KLF12: variants seen among roughly 807,000 people sequenced by gnomAD.
KLF12 encodes KLF transcription factor 12.
A neutral mutation model predicts 37.8 loss-of-function variants in KLF12; 9 were observed. The observed-to-expected ratio is 0.24, with a 90% CI of 0.14 to 0.42. KLF12 has a LOEUF of 0.42. Ranked by LOEUF, KLF12 falls within the 10% of genes least tolerant of loss-of-function variation. KLF12 has a pLI of 1.00. For synonymous variants in KLF12, 208 were observed against 202.1 expected, an observed-to-expected ratio of 1.03 and a Z score of -0.25; for missense variants, 411 against 516.0, an observed-to-expected ratio of 0.80 and a Z score of 1.97.
chr13:73,959,345 C>T (rs8001087), intron 2 of KLF12, among the ~76,000 whole-genome samples: 8,518 of 151,938 alleles, frequency 0.056, 786 homozygotes, highest in African/African-American at 0.19. Flanking sequence ...TTCTTTCATC[C>T]CACCACCAAA....
chr13:74,266,410 G>A, the KLF12 span, among the ~76,000 whole-genome samples: 1 of 152,156 alleles, frequency 6.6e-6, no homozygotes, highest in African/African-American at 2.4e-5. Flanking sequence ...AAAATAAAGT[G>A]AGGAATCCAC....
At chr13:74,240,499 A>C in the KLF12 span, among the ~76,000 whole-genome samples, 1 of 30,870 alleles carries the variant, frequency 3.2e-5, no homozygotes, top group South Asian at 9.2e-4. Flanking sequence ...CTGCCTTGCT[A>C]GATTGGGGAA....
chr13:74,301,076 T>A, the KLF12 span, among the ~76,000 whole-genome samples: 2 of 152,196 alleles, frequency 1.3e-5, no homozygotes, highest in Non-Finnish European at 2.9e-5. Flanking sequence ...TCTTAAGCCA[T>A]GTTCTAAAAA....
chr13:73,700,948 A>C (rs1874512161), intron 7 of KLF12, among the ~76,000 whole-genome samples: 1 of 152,200 alleles, frequency 6.6e-6, no homozygotes, highest in Non-Finnish European at 1.5e-5. Flanking sequence ...GAGTAAAAAA[A>C]CTAATTAGAA....
intron 1 of KLF12, among the ~76,000 whole-genome samples, chr13:74,001,476 C>T (rs1213061878): frequency 6.6e-6 from 1 of 152,160 alleles, no homozygotes; most frequent in Admixed American, 6.5e-5. Context: ...AGGTACAGGA[C>T]ATTATGGGGT....
intron 1 of KLF12, among the ~76,000 whole-genome samples, chr13:74,030,576 GCTCT>G (rs1290374521): frequency 2.0e-5 from 3 of 151,762 alleles, no homozygotes; most frequent in Non-Finnish European, 4.4e-5. Flanking sequence ...TTCCTCCCAC[GCTCT>G]CTCTCATTTT....
intron 1 of KLF12, among the ~76,000 whole-genome samples, chr13:74,038,672 T>A (rs1333069119): frequency 6.6e-6 from 1 of 152,228 alleles, no homozygotes; most frequent in African/African-American, 2.4e-5. Context: ...CATTAAAATA[T>A]CAACCCTGTG....
At chr13:73,991,277 C>A (rs930522334) in intron 2 of KLF12, among the ~76,000 whole-genome samples, 1 of 152,138 alleles carries the variant, frequency 6.6e-6, no homozygotes, top group Non-Finnish European at 1.5e-5. Context: ...ATGAATGTAA[C>A]ACGAACTAAG....
chr13:74,284,272 G>A, the KLF12 span, among the ~76,000 whole-genome samples: 1 of 152,076 alleles, frequency 6.6e-6, no homozygotes, highest in African/African-American at 2.4e-5. Flanking sequence ...GCTGACCCAG[G>A]CCTTTTAATC....
chr13:74,181,769 C>A, the KLF12 span, among the ~76,000 whole-genome samples: 1 of 149,450 alleles, frequency 6.7e-6, no homozygotes, highest in East Asian at 2.0e-4. Flanking sequence ...TGTATGAGGA[C>A]CTTGTTTGGA....
At chr13:73,903,202 G>T (rs73523209) in intron 3 of KLF12, among the ~76,000 whole-genome samples, 71 of 152,078 alleles carry the variant, frequency 4.7e-4, no homozygotes, top group African/African-American at 1.6e-3. Context: ...AGCAATGCTG[G>T]TTTTTTTTAA....
intron 7 of KLF12, 109 bp downstream of exon 7, chr13:73,715,259 G>C (rs970394481): frequency 3.6e-6 from 3 of 839,550 alleles, no homozygotes; most frequent in Non-Finnish European, 5.5e-6. Context: ...GAGGGAACTG[G>C]ACTTGAGAGG....
intron 1 of KLF12, among the ~76,000 whole-genome samples, chr13:74,018,408 T>TA (rs1892756049): frequency 1.3e-5 from 2 of 152,222 alleles, no homozygotes; most frequent in East Asian, 3.8e-4. Context: ...TAATTATTGA[T>TA]ATACTGTATT....
In KLF12 at chr13:73,889,713, A is replaced by C. The variant is rs575877800; in HGVS notation, c.124-43340T>G. On this transcript the variant is annotated intron_variant, in intron 3 of 7. Coordinates refer to ENST00000377669, the MANE Select transcript of KLF12 (RefSeq NM_007249.5). ...TTTTATATATTTTTAAAGTATAAGC[A>C]AAGATAATGCAAAATAAAGGGCTAA... 5.3e-4 allele frequency among the ~76,000 whole-genome samples: 81 copies of C among 152,260 alleles called. 1 individual carries two copies. Among genetic ancestry groups the C allele is most frequent in the Middle Eastern group, 3.4e-3 (1 of 294 alleles).
At chr13:74,191,403 T>A in the KLF12 span, among the ~76,000 whole-genome samples, 1 of 152,232 alleles carries the variant, frequency 6.6e-6, no homozygotes, top group African/African-American at 2.4e-5. Context: ...AATCTTTTTA[T>A]TTTGTTGAGT....
At chr13:74,108,246 C>A (rs1186633322) in intron 1 of KLF12, among the ~76,000 whole-genome samples, 1 of 151,874 alleles carries the variant, frequency 6.6e-6, no homozygotes, top group Non-Finnish European at 1.5e-5. Context: ...AACCATATAT[C>A]ATTCTTGTTT....
chr13:74,054,688 T>C (rs1361139658), intron 1 of KLF12, among the ~76,000 whole-genome samples: 1 of 152,230 alleles, frequency 6.6e-6, no homozygotes, highest in Non-Finnish European at 1.5e-5. Context: ...TTGGTGTTCC[T>C]AATATATCAA....
chr13:73,838,163 C>T (rs756518815), intron 4 of KLF12, among the ~76,000 whole-genome samples: 26 of 152,106 alleles, frequency 1.7e-4, no homozygotes, highest in Non-Finnish European at 3.5e-4. Flanking sequence ...GGTCACAATG[C>T]GCAATGAGTT....
chr13:74,198,453 G>C, the KLF12 span, among the ~76,000 whole-genome samples: 1 of 152,084 alleles, frequency 6.6e-6, no homozygotes, highest in Non-Finnish European at 1.5e-5. Context: ...CTCTAAGCGT[G>C]GTCCTGAGAA....
Sources: gnomAD v4.1 joint callset for allele counts (sites outside exome capture counted in the v4.1 genomes callset) on GRCh38, gnomAD v4.1.1 for gene constraint, MANE v1.5 for transcripts, NCBI Gene and HGNC (gene_info 2026-07-23, HGNC 2026-07-21) for gene names.